TGM6: variants seen among roughly 807,000 people sequenced by gnomAD.
The protein encoded by TGM6 is transglutaminase 6.
In TGM6, 74 loss-of-function variants were observed where a neutral mutation model predicts 77.5. That is an observed-to-expected ratio of 0.96 (90% CI 0.79 to 1.16). TGM6 has a LOEUF of 1.16. Among genes scored for constraint, TGM6 ranks in the 50% most tolerant of loss-of-function variants. The pLI, the probability that TGM6 is intolerant of heterozygous loss-of-function variation, is 0.00. For missense variants in TGM6, 968 were observed against 940.2 expected (o/e 1.03, Z -0.39); for synonymous variants, 383 against 378.9 (o/e 1.01, Z -0.12).
rs1450403987 is a variant in TGM6, at chr20:2,403,507, T to G, written c.1093+7T>G. The G allele has an allele frequency of 6.2e-7, 1 of 1,613,928 alleles. No individual in the cohort carries two copies. The highest frequency in any genetic ancestry group is 2.2e-5 in the East Asian group (1 of 44,882). ...CCCCAGGAGGAGAGTGAAGGTACGCTCAATTGGGTGGGGTAAGTTCCAGAC... is the reference window on the plus strand; with the variant it reads ...CCCCAGGAGGAGAGTGAAGGTACGCGCAATTGGGTGGGGTAAGTTCCAGAC... On this transcript the variant is annotated splice_region_variant and intron_variant, in intron 8 of 12. Transcript: ENST00000202625.
chr20:2,399,312 A>G (rs2084689244), intron 5 of TGM6, among the ~76,000 whole-genome samples: 1 of 152,232 alleles, frequency 6.6e-6, no homozygotes, highest in African/African-American at 2.4e-5. Context: ...ATCATTTAAC[A>G]TAGGAAATGC....
At chr20:2,429,699 G>A (rs1459940726) in intron 10 of TGM6, among the ~76,000 whole-genome samples, 2 of 152,012 alleles carry the variant, frequency 1.3e-5, no homozygotes, top group Non-Finnish European at 2.9e-5. Flanking sequence ...AACCCAGGAG[G>A]TGGAGGTTGC....
intron 9 of TGM6, among the ~76,000 whole-genome samples, chr20:2,411,204 A>G (rs2084782333): frequency 2.0e-5 from 3 of 152,202 alleles, no homozygotes; most frequent in Admixed American, 2.0e-4. Flanking sequence ...ATGTGAAAGC[A>G]AAAATCAACA....
chr20:2,400,589 G>A, intron 7 of TGM6, 145 bp downstream of exon 7: 8 of 1,167,806 alleles, frequency 6.9e-6, no homozygotes, highest in South Asian at 1.4e-5. Flanking sequence ...GGAGTGAGAG[G>A]CGCCCTGCGG....
At chr20:2,395,148 G>T (rs775366000) in intron 2 of TGM6, 46 bp from the exon 3 acceptor site, 9 of 1,603,238 alleles carry the variant, frequency 5.6e-6, no homozygotes, top group East Asian at 4.5e-5. Flanking sequence ...TCTAAAGCTG[G>T]GTTTCCCAGG....
chr20:2,424,297 T>C (rs1302188195), intron 10 of TGM6, among the ~76,000 whole-genome samples: 1 of 152,246 alleles, frequency 6.6e-6, no homozygotes, highest in African/African-American at 2.4e-5. Flanking sequence ...AATGTGTTGT[T>C]TTATGTAGCC....
At chr20:2,388,545 G>A (rs2084610669) in intron 1 of TGM6, among the ~76,000 whole-genome samples, 1 of 151,808 alleles carries the variant, frequency 6.6e-6, no homozygotes, top group Non-Finnish European at 1.5e-5. Flanking sequence ...GCTGAGATGG[G>A]AGGATTGCTT....
rs1599959481 is a variant in TGM6, at chr20:2,414,887, G to T, written c.1337-2345G>T. Among the ~76,000 whole-genome samples, 3 of 148,906 alleles carry T rather than the reference G, an allele frequency of 2.0e-5. No homozygotes were observed. In the East Asian group the frequency reaches 6.0e-4, roughly 30 times the overall value. ...ATATTAGTGGTTGCCTAGGGCTGGG[G>T]TTGGGGTGGGGAGGAATGGGAAGTG... On this transcript the variant is annotated intron_variant, in intron 9 of 12. Transcript: ENST00000202625.
chr20:2,428,049 T>C (rs2084899996), intron 10 of TGM6, among the ~76,000 whole-genome samples: 1 of 152,224 alleles, frequency 6.6e-6, no homozygotes, highest in African/African-American at 2.4e-5. Flanking sequence ...TTCAGCTGTC[T>C]TTCTGTCATT....
Position 2,403,621 on chromosome 20 carries a change from C to A in TGM6, c.1134C>A (p.Arg378=). 2 of 1,614,190 alleles carry A rather than the reference C, an allele frequency of 1.2e-6. No homozygotes were observed. The highest frequency in any genetic ancestry group is 1.7e-6 in the Non-Finnish European group (2 of 1,180,042). ...GCCCAGCCTCAGTCACCGCCATCCG[C>A]GAGGGTGATGTGCACCTGGCTCACG... is the stretch of plus-strand genomic sequence containing the variant. The part of the protein sequence containing the change: ...RCGPASVTAI[R]EGDVHLAHDG... Residue 378 remains arginine (R), a synonymous_variant, in exon 9 of 13, where the codon CGC becomes CGA. Transcript: ENST00000202625.
Position 2,403,633 on chromosome 20 carries a change from G to A in TGM6, c.1146G>A (p.Val382=). The A allele has an allele frequency of 1.9e-6, 3 of 1,614,208 alleles. No homozygotes were observed. The South Asian group carries it at 3.3e-5, about 18-fold the overall frequency. ...ASVTAIREGD[V]HLAHDGPFVF... ...TCACCGCCATCCGCGAGGGTGATGT[G>A]CACCTGGCTCACGATGGCCCCTTCG... The change falls in exon 9 of 13, where the codon GTG becomes GTA. Residue 382 remains valine, a synonymous_variant. Coordinates refer to ENST00000202625, the MANE Select transcript of TGM6 (RefSeq NM_198994.3).
chr20:2,397,691 T>G (rs1168235673), intron 4 of TGM6, among the ~76,000 whole-genome samples: 2 of 152,082 alleles, frequency 1.3e-5, no homozygotes, highest in African/African-American at 4.8e-5. Flanking sequence ...CACAGGAGAT[T>G]GTTGAGCAGG....
intron 9 of TGM6, among the ~76,000 whole-genome samples, chr20:2,407,584 A>G (rs2084760762): frequency 1.3e-5 from 2 of 152,196 alleles, no homozygotes; most frequent in Admixed American, 6.5e-5. Flanking sequence ...ACGTCACTAC[A>G]CTCCAGGCTA....
chr20:2,389,018 C>T (rs528926890), intron 1 of TGM6, among the ~76,000 whole-genome samples: 46 of 152,306 alleles, frequency 3.0e-4, no homozygotes, highest in African/African-American at 1.1e-3. Flanking sequence ...ACATTTTCAG[C>T]AAGAGATGGG....
At chr20:2,424,218 C>A (rs1031360909) in intron 10 of TGM6, among the ~76,000 whole-genome samples, 1 of 152,216 alleles carries the variant, frequency 6.6e-6, no homozygotes, top group Admixed American at 6.5e-5. Context: ...CAGGCATTGA[C>A]TTCTGTCCCG....
chr20:2,400,252 G>A (rs1171241727), intron 6 of TGM6, 54 bp from the exon 7 acceptor site: 79 of 1,611,524 alleles, frequency 4.9e-5, no homozygotes, highest in Non-Finnish European at 6.7e-5. Context: ...TGGAAGCCAG[G>A]CCCCTCTCTC....
At chr20:2,398,775 C>T (rs59963432) in intron 5 of TGM6, among the ~76,000 whole-genome samples, 202 of 152,230 alleles carry the variant, frequency 1.3e-3, no homozygotes, top group African/African-American at 4.6e-3. Context: ...CAACTTTAAC[C>T]TATCACAGGC....
At chr20:2,385,188 G>A (rs2084585976) in intron 1 of TGM6, among the ~76,000 whole-genome samples, 1 of 152,182 alleles carries the variant, frequency 6.6e-6, no homozygotes, top group African/African-American at 2.4e-5. Context: ...GATGATAATG[G>A]CAGTTCTGAC....
chr20:2,395,385 A>C lies in TGM6; in HGVS notation c.373A>C (p.Ser125Arg), dbSNP rs1599948133. Residue 125 changes from serine to arginine, a missense_variant, in exon 3 of 13, where the codon AGC becomes CGC. Coordinates refer to ENST00000202625, the MANE Select transcript of TGM6 (RefSeq NM_198994.3). Reference sequence around the variant, plus strand: ...CAGGCTTTCCTCTCACCGCAAACACAGCAACCGGAGGCTGGGCGAGTTTGT... The same window carrying C: ...CAGGCTTTCCTCTCACCGCAAACACCGCAACCGGAGGCTGGGCGAGTTTGT... ...SIRLSSHRKH[S>R]NRRLGEFVLL... 6.2e-7 allele frequency: 1 copy of C among 1,614,246 alleles called. No individual in the cohort carries two copies. The highest frequency in any genetic ancestry group is 1.1e-5 in the South Asian group (1 of 91,080).
Sources: gnomAD v4.1 joint callset for allele counts (sites outside exome capture counted in the v4.1 genomes callset) on GRCh38, gnomAD v4.1.1 for gene constraint, MANE v1.5 for transcripts, NCBI Gene and HGNC (gene_info 2026-07-23, HGNC 2026-07-21) for gene names.